Variants in ATP2C1 observed in about 807,000 individuals in gnomAD.
ATP2C1 encodes the protein calcium-transporting ATPase type 2C member 1.
A neutral mutation model predicts 120.5 loss-of-function variants in ATP2C1; 31 were observed. The ratio of observed to expected loss-of-function variants is 0.26; its 90% CI spans 0.19 to 0.35. ATP2C1 has a LOEUF of 0.35. Among genes scored for constraint, ATP2C1 ranks in the 10% least tolerant of loss-of-function variants. ATP2C1 has a pLI of 1.00. For missense variants in ATP2C1, 731 were observed against 1,107.5 expected (o/e 0.66, Z 4.83); for synonymous variants, 351 against 358.7 (o/e 0.98, Z 0.24).
At position 130,975,267 on chromosome 3, in the gene ATP2C1, T is replaced by G; in HGVS notation, c.1414-65T>G. The G allele has an allele frequency of 2.0e-6, 3 of 1,505,980 alleles. No individual in the cohort carries two copies. In the South Asian group the frequency reaches 3.4e-5, roughly 17 times the overall value. The allele number at this position is 1,505,980 out of a possible 1,614,324, so 93.3% of individuals were successfully genotyped here. The stretch of plus-strand genomic sequence containing the variant: ...ATGAGAAATGAATGCCACTTAATTT[T>G]GGACTCCAATGGCAGGTAAGTACAA... On this transcript the variant is annotated intron_variant, in intron 17 of 27. Transcript: ENST00000510168.
downstream of ATP2C1, among the ~76,000 whole-genome samples, chr3:131,006,340 G>A (rs1342227498): frequency 6.6e-6 from 1 of 152,176 alleles, no homozygotes; most frequent in African/African-American, 2.4e-5. Flanking sequence ...TCGAATTCCT[G>A]ACCTCAGGTG....
At chr3:130,887,086 AG>A (rs1285681559) in intron 1 of ATP2C1, among the ~76,000 whole-genome samples, 1 of 152,156 alleles carries the variant, frequency 6.6e-6, no homozygotes, top group Admixed American at 6.5e-5. Flanking sequence ...AGACTTGTAG[AG>A]GTACTGCCTT....
intron 26 of ATP2C1, chr3:131,014,514 G>A (rs2063496262): frequency 9.0e-6 from 8 of 890,320 alleles, no homozygotes; most frequent in East Asian, 5.6e-5. Flanking sequence ...TAATATTATC[G>A]AAATTACTTA....
rs2059591139 is a variant in ATP2C1, at chr3:130,934,674, T to C, written c.287T>C (p.Leu96Ser). The stretch of plus-strand genomic sequence containing the variant: ...CTGGCTTCTGCAGTCATCAGTGTTT[T>C]AATGCATCAGTTTGATGATGCCGTC... ...LLLASAVISV[L>S]MHQFDDAVSI... is the part of the protein sequence containing the mutation. The change falls in exon 5 of 28, where the codon TTA becomes TCA. Residue 96 changes from leucine to serine, a missense_variant. Leu to Ser is a moderately radical substitution (Grantham distance 145). Coordinates refer to ENST00000510168, the MANE Select transcript of ATP2C1 (RefSeq NM_001378687.1). 1 of 1,613,368 alleles carries C rather than the reference T, an allele frequency of 6.2e-7. No homozygotes were observed. The highest frequency in any genetic ancestry group is 1.1e-5 in the South Asian group (1 of 91,066).
chr3:130,960,943 G>A (rs909651094), intron 12 of ATP2C1, among the ~76,000 whole-genome samples: 2 of 152,128 alleles, frequency 1.3e-5, no homozygotes, highest in Non-Finnish European at 2.9e-5. Flanking sequence ...GTAGACCTCT[G>A]TTGTAGGCAT....
intron 13 of ATP2C1, 91 bp from the exon 14 acceptor site, chr3:130,964,857 A>G: frequency 1.2e-6 from 1 of 851,016 alleles, no homozygotes; most frequent in Non-Finnish European, 1.9e-6. Flanking sequence ...TCAGAGAAGT[A>G]GGACAGGATT....
At chr3:130,936,114 GA>G (rs1203508674) in intron 5 of ATP2C1, among the ~76,000 whole-genome samples, 7 of 152,100 alleles carry the variant, frequency 4.6e-5, no homozygotes, top group African/African-American at 1.7e-4. Context: ...TAGGGTTTTG[GA>G]AAATTTGTAT....
chr3:130,860,548 T>A (rs1185495040), intron 1 of ATP2C1, among the ~76,000 whole-genome samples: 1 of 152,244 alleles, frequency 6.6e-6, no homozygotes, highest in African/African-American at 2.4e-5. Context: ...CATAATAACC[T>A]TGCAAAGTCA....
chr3:131,015,881 TTAA>T (rs2063601579), intron 26 of ATP2C1: 1 of 544,496 alleles, frequency 1.8e-6, no homozygotes, highest in East Asian at 3.9e-5. Flanking sequence ...CTCCCACATA[TTAA>T]TGTATTACTT....
intron 7 of ATP2C1, 33 bp from the exon 8 acceptor site, chr3:130,941,558 T>TC: frequency 1.3e-6 from 2 of 1,580,088 alleles, no homozygotes; most frequent in Non-Finnish European, 1.7e-6. Context: ...ATTTTTTTTT[T>TC]TTAACCATGG....
chr3:130,937,007 T>C (rs2059703404), intron 5 of ATP2C1, among the ~76,000 whole-genome samples: 1 of 133,164 alleles, frequency 7.5e-6, no homozygotes, highest in Non-Finnish European at 1.8e-5. Flanking sequence ...AACACTGCTA[T>C]TTTTCTCACA....
chr3:131,002,288 G>A lies in ATP2C1; in HGVS notation c.*938G>A, dbSNP rs917765237. On this transcript the variant is annotated 3_prime_UTR_variant, in exon 28 of 28. Coordinates refer to ENST00000510168, the MANE Select transcript of ATP2C1 (RefSeq NM_001378687.1). Reference sequence around the variant, plus strand: ...TCTATTTTATTATTTTTACTGTTATGTATGTTTTTAATCATATTTCTTAGG... The same window carrying A: ...TCTATTTTATTATTTTTACTGTTATATATGTTTTTAATCATATTTCTTAGG... 8 of 977,308 alleles carry A rather than the reference G, an allele frequency of 8.2e-6. No individual in the cohort carries two copies. Among genetic ancestry groups the A allele is most frequent in the Admixed American group, 1.2e-4 (2 of 16,254 alleles). The allele number at this position is 977,308 out of a possible 1,614,324, so 60.5% of individuals were successfully genotyped here.
chr3:130,981,575 C>T (rs1408224502), intron 20 of ATP2C1, among the ~76,000 whole-genome samples: 1 of 152,042 alleles, frequency 6.6e-6, no homozygotes, highest in Non-Finnish European at 1.5e-5. Context: ...GGGTAAATAT[C>T]TGTGAGTAAT....
intron 17 of ATP2C1, among the ~76,000 whole-genome samples, chr3:130,974,303 T>TC (rs1288049130): frequency 2.6e-4 from 39 of 152,312 alleles, no homozygotes; most frequent in African/African-American, 9.4e-4. Flanking sequence ...TCCTGCTGCC[T>TC]CCCTGTCCCC....
chr3:130,955,921 G>A (rs1277587490), intron 10 of ATP2C1, 183 bp from the exon 11 acceptor site: 1 of 557,458 alleles, frequency 1.8e-6, no homozygotes, highest in Non-Finnish European at 3.3e-6. Flanking sequence ...CTCACTGTGT[G>A]ACCTTGGGCA....
At chr3:130,974,606 T>C (rs1367617868) in intron 17 of ATP2C1, among the ~76,000 whole-genome samples, 1 of 152,100 alleles carries the variant, frequency 6.6e-6, no homozygotes, top group Non-Finnish European at 1.5e-5. Context: ...AAGAGTCTTG[T>C]TGTAAACAAA....
At position 130,894,410 on chromosome 3, in the gene ATP2C1, A is replaced by C; in HGVS notation, c.-181+73A>C. On this transcript the variant is annotated intron_variant, in intron 1 of 27. Coordinates refer to ENST00000510168, the MANE Select transcript of ATP2C1 (RefSeq NM_001378687.1). The surrounding 1 kb of genome is among the most constrained non-coding windows in gnomAD (Gnocchi z 4.5). ...TTCTGAAGGAAGGGGAGGTTCGGGTATCCCCTGGATGGGGGGGCATCTCTA... is the reference window on the plus strand; with the variant it reads ...TTCTGAAGGAAGGGGAGGTTCGGGTCTCCCCTGGATGGGGGGGCATCTCTA... 1 of 1,189,972 alleles carries C rather than the reference A, an allele frequency of 8.4e-7. No individual in the cohort carries two copies. 73.7% of individuals were successfully genotyped at this position (1,189,972 alleles called of 1,614,324 possible). A position where few individuals can be genotyped will look rare whatever the true frequency, so the allele number is the denominator to read the frequency against.
intron 20 of ATP2C1, among the ~76,000 whole-genome samples, chr3:130,988,960 T>A (rs2062159139): frequency 6.6e-6 from 1 of 151,990 alleles, no homozygotes; most frequent in Non-Finnish European, 1.5e-5. Context: ...TTTAACTTAA[T>A]AAAAACCCTA....
intron 4 of ATP2C1, 150 bp downstream of exon 4, chr3:130,932,288 A>T: frequency 3.2e-6 from 2 of 629,416 alleles, no homozygotes; most frequent in South Asian, 3.7e-5. Flanking sequence ...GTTGGGGCTT[A>T]CTGTTAGGTT....
Sources: gnomAD v4.1 joint callset for allele counts (sites outside exome capture counted in the v4.1 genomes callset) on GRCh38, gnomAD v4.1.1 for gene constraint, Gnocchi (gnomAD v3.1) non-coding constraint, MANE v1.5 for transcripts, NCBI Gene and HGNC (gene_info 2026-07-23, HGNC 2026-07-21) for gene names.